The following OLFM2 variants were observed in gnomAD, a reference collection of about 807,000 sequenced individuals.
OLFM2 encodes the protein olfactomedin 2, also known as noelin-2.
Under a neutral mutation model 43.9 loss-of-function variants are expected in OLFM2, and 20 were observed. The ratio of observed to expected loss-of-function variants is 0.46; its 90% CI spans 0.32 to 0.66. The LOEUF (loss-of-function observed/expected upper bound fraction) is 0.66. OLFM2 is among the 30% of genes least tolerant of loss of function. The pLI is 0.04. For missense variants in OLFM2, 416 were observed against 643.6 expected (o/e 0.65, Z 3.83); for synonymous variants, 268 against 278.6 (o/e 0.96, Z 0.38).
At chr19:9,866,250 C>T (rs2046401710) in intron 1 of OLFM2, among the ~76,000 whole-genome samples, 1 of 152,112 alleles carries the variant, frequency 6.6e-6, no homozygotes, top group South Asian at 2.1e-4. Context: ...TAATGCATGT[C>T]CCTAGGAACC....
At chr19:9,897,498 A>AAAAAT in intron 1 of OLFM2, among the ~76,000 whole-genome samples, 1 of 152,254 alleles carries the variant, frequency 6.6e-6, no homozygotes, top group East Asian at 1.9e-4. Flanking sequence ...ACTCTGTCTC[A>AAAAAT]AAAATAAAAT....
chr19:9,874,648 C>G (rs1018553415), intron 1 of OLFM2, among the ~76,000 whole-genome samples: 1 of 151,814 alleles, frequency 6.6e-6, no homozygotes, highest in Non-Finnish European at 1.5e-5. Context: ...GCCTGGCTAA[C>G]TTTTCTATTT....
At chr19:9,863,310 CTCTGGGT>C (rs1461721927) in intron 1 of OLFM2, among the ~76,000 whole-genome samples, 2 of 152,022 alleles carry the variant, frequency 1.3e-5, no homozygotes, top group Non-Finnish European at 2.9e-5. Flanking sequence ...GCAGTGAGGG[CTCTGGGT>C]TCTGCCCTGA....
intron 1 of OLFM2, among the ~76,000 whole-genome samples, chr19:9,898,535 T>A (rs879590114): frequency 6.0e-5 from 9 of 150,226 alleles, no homozygotes; most frequent in Admixed American, 2.7e-4. Flanking sequence ...AAAAAAAAAT[T>A]TTTTTGTGTG....
intron 1 of OLFM2, among the ~76,000 whole-genome samples, chr19:9,888,072 C>A (rs139004954): frequency 3.9e-5 from 6 of 152,216 alleles, no homozygotes; most frequent in African/African-American, 1.4e-4. Flanking sequence ...TCACTTCCTT[C>A]CACTCTCCCT....
At chr19:9,926,349 G>A (rs112010746) in intron 1 of OLFM2, among the ~76,000 whole-genome samples, 3,741 of 150,126 alleles carry the variant, frequency 0.025, 111 homozygotes, top group Middle Eastern at 0.084. Flanking sequence ...TCGGGAGATC[G>A]AGACCATCCT....
Position 9,860,629 on chromosome 19 carries a change from C to T in OLFM2, c.213+16G>A, listed in dbSNP as rs1241394555. 6.4e-7 allele frequency: 1 copy of T among 1,570,184 alleles called. No individual in the cohort carries two copies. Among genetic ancestry groups the T allele is most frequent in the Non-Finnish European group, 8.6e-7 (1 of 1,156,998 alleles). On this transcript the variant is annotated intron_variant, in intron 2 of 5. Transcript: ENST00000264833. ...GATTTTCCCAGCTGCCCCCAGGGTA[C>T]CTGGAAGGTTCTCACCTTCTCCATC...
chr19:9,895,928 C>A (rs1051366749), intron 1 of OLFM2, among the ~76,000 whole-genome samples: 4 of 152,066 alleles, frequency 2.6e-5, no homozygotes, highest in African/African-American at 4.8e-5. Flanking sequence ...CACGTGTGAT[C>A]ATATTATCCT....
At chr19:9,891,841 CTG>C (rs1446698253) in intron 1 of OLFM2, among the ~76,000 whole-genome samples, 1 of 152,124 alleles carries the variant, frequency 6.6e-6, no homozygotes, top group Admixed American at 6.5e-5. Flanking sequence ...TGTGGCACGT[CTG>C]TGTCTACATG....
rs115388681 is a variant in OLFM2 at position 9,905,803 on chromosome 19, C to T, written c.63+30501G>A. Among the ~76,000 whole-genome samples, 385 of 152,234 alleles carry T rather than the reference C, an allele frequency of 2.5e-3. 1 individual carries two copies. Among genetic ancestry groups the T allele is most frequent in the African/African-American group, 8.6e-3 (359 of 41,540 alleles). ...CATGCCCTTGAGAAGAAAAGCTTTA[C>T]CTGCAAGTACAGGCCTTGGCAGCCT... is the stretch of plus-strand genomic sequence containing the variant. On this transcript the variant is annotated intron_variant, in intron 1 of 5. Transcript: ENST00000264833.
At chr19:9,878,357 T>C (rs1401495906) in intron 1 of OLFM2, among the ~76,000 whole-genome samples, 1 of 150,918 alleles carries the variant, frequency 6.6e-6, no homozygotes, top group Non-Finnish European at 1.5e-5. Flanking sequence ...AGTGACTCTC[T>C]CTGAGCCTCA....
At chr19:9,909,690 G>A (rs1231268586) in intron 1 of OLFM2, among the ~76,000 whole-genome samples, 6 of 152,132 alleles carry the variant, frequency 3.9e-5, no homozygotes, top group African/African-American at 4.8e-5. Flanking sequence ...CCTCCCCGAC[G>A]TTGGGGTGCT....
intron 1 of OLFM2, among the ~76,000 whole-genome samples, chr19:9,863,059 C>T (rs866303026): frequency 1.3e-5 from 2 of 150,306 alleles, no homozygotes; most frequent in Non-Finnish European, 2.9e-5. Context: ...CACACGTAGG[C>T]GTCGTTTGTT....
At chr19:9,923,937 T>C (rs991023447) in intron 1 of OLFM2, among the ~76,000 whole-genome samples, 2 of 148,976 alleles carry the variant, frequency 1.3e-5, no homozygotes, top group Non-Finnish European at 3.0e-5. Flanking sequence ...CCATCTCTAC[T>C]AAAAATACAA....
chr19:9,901,846 A>G (rs1260702503), intron 1 of OLFM2, among the ~76,000 whole-genome samples: 1 of 152,190 alleles, frequency 6.6e-6, no homozygotes, highest in Non-Finnish European at 1.5e-5. Context: ...ATATGTGCAC[A>G]TCAGTGGAAA....
intron 1 of OLFM2, among the ~76,000 whole-genome samples, chr19:9,915,054 A>G (rs910043931): frequency 6.6e-6 from 1 of 152,020 alleles, no homozygotes; most frequent in Admixed American, 6.5e-5. Context: ...TGTAGGGATG[A>G]CTGTTCCTCT....
chr19:9,888,928 T>C (rs1599482477), intron 1 of OLFM2, among the ~76,000 whole-genome samples: 1 of 152,126 alleles, frequency 6.6e-6, no homozygotes, highest in East Asian at 2.0e-4. Context: ...TAGCCGGGCA[T>C]GGTGGCGGGT....
At chr19:9,860,413 G>A (rs1365815150) in intron 2 of OLFM2, among the ~76,000 whole-genome samples, 1 of 151,114 alleles carries the variant, frequency 6.6e-6, no homozygotes, top group African/African-American at 2.4e-5. Context: ...GTTTGAGGCT[G>A]CAGTGAGCTG....
chr19:9,856,951 T>A lies in OLFM2; in HGVS notation c.581-38A>T, dbSNP rs1205901101. On this transcript the variant is annotated intron_variant, in intron 4 of 5. Coordinates refer to ENST00000264833, the MANE Select transcript of OLFM2 (RefSeq NM_058164.4). This position sits in a 1 kb window ranked among gnomAD's most constrained non-coding sequence, Gnocchi z 4.0. ...AACAGGGGGAATGAGGATGGGGAAA[T>A]GAACAGCCCAAGAGAGGCCAGGCAA... The A allele has an allele frequency of 6.6e-7, 1 of 1,506,518 alleles. No homozygotes were observed. Among genetic ancestry groups the A allele is most frequent in the Non-Finnish European group, 9.1e-7 (1 of 1,097,592 alleles). The allele number at this position is 1,506,518 out of a possible 1,614,324, so 93.3% of individuals were successfully genotyped here. A position where few individuals can be genotyped will look rare whatever the true frequency, so the allele number is the denominator to read the frequency against.
Sources: gnomAD v4.1 joint callset for allele counts (sites outside exome capture counted in the v4.1 genomes callset) on GRCh38, gnomAD v4.1.1 for gene constraint, Gnocchi (gnomAD v3.1) non-coding constraint, MANE v1.5 for transcripts, NCBI Gene and HGNC (gene_info 2026-07-23, HGNC 2026-07-21) for gene names.